Variants in SLMAP observed in about 807,000 individuals in gnomAD.
SLMAP encodes the protein sarcolemmal membrane-associated protein.
Under a neutral mutation model 128.8 loss-of-function variants are expected in SLMAP, and 44 were observed. That is an observed-to-expected ratio of 0.34 (90% confidence interval 0.27 to 0.44). The LOEUF is 0.44. Ranked by LOEUF, SLMAP falls within the 20% of genes least tolerant of loss-of-function variation. The pLI is 1.00. For synonymous variants in SLMAP, 327 were observed against 348.8 expected (o/e 0.94, Z 0.70); for missense variants, 787 against 985.3 (o/e 0.80, Z 2.69).
chr3:57,761,029 G>GT (rs755810231), intron 2 of SLMAP, among the ~76,000 whole-genome samples: 351 of 139,690 alleles, frequency 2.5e-3, no homozygotes, highest in Middle Eastern at 3.6e-3. Flanking sequence ...GCCCGGCCAG[G>GT]TTTTTTTTTT....
At chr3:57,924,447 C>T (rs1343753853) in intron 23 of SLMAP, among the ~76,000 whole-genome samples, 2 of 151,874 alleles carry the variant, frequency 1.3e-5, no homozygotes, top group South Asian at 2.1e-4. Context: ...CAGCTCACCG[C>T]AACATCCACC....
intron 17 of SLMAP, chr3:57,897,141 T>C: frequency 7.6e-7 from 1 of 1,321,544 alleles, no homozygotes; most frequent in Non-Finnish European, 9.8e-7. Flanking sequence ...CAGTCAAGAT[T>C]ACGAGGGACA....
At chr3:57,906,400 C>T (rs2096565443) in intron 17 of SLMAP, among the ~76,000 whole-genome samples, 1 of 141,430 alleles carries the variant, frequency 7.1e-6, no homozygotes, top group Non-Finnish European at 1.5e-5. Context: ...ATTGCCACCT[C>T]TGCCTCCCAG....
intron 3 of SLMAP, among the ~76,000 whole-genome samples, chr3:57,832,357 T>C (rs2093392952): frequency 6.6e-6 from 1 of 152,206 alleles, no homozygotes; most frequent in Admixed American, 6.5e-5. Context: ...TAATAGTAGC[T>C]ATCACAAGTA....
intron 17 of SLMAP, chr3:57,902,176 T>G (rs1055271524): frequency 6.6e-6 from 1 of 152,182 alleles, no homozygotes; most frequent in Non-Finnish European, 1.5e-5. Flanking sequence ...ATTAAGAAAT[T>G]GCTGATTTTT....
Position 57,929,653 on chromosome 3 carries a change from T to C in SLMAP, c.*2364T>C, listed in dbSNP as rs1258624418. Among the ~76,000 whole-genome samples, 3 of 152,242 alleles carry C rather than the reference T, an allele frequency of 2.0e-5. No individual in the cohort carries two copies. Among genetic ancestry groups the C allele is most frequent in the Non-Finnish European group, 2.9e-5 (2 of 68,036 alleles). On this transcript the variant is annotated 3_prime_UTR_variant, in exon 25 of 25. Transcript: ENST00000671191. Reference sequence around the variant, plus strand: ...TTGAACAACCCTGTAATGATACATTTAAGAATTATTCAAAGGTGCTACATG... The same window carrying C: ...TTGAACAACCCTGTAATGATACATTCAAGAATTATTCAAAGGTGCTACATG...
chr3:57,922,371 A>G (rs1057500426), intron 22 of SLMAP, among the ~76,000 whole-genome samples: 1 of 151,778 alleles, frequency 6.6e-6, no homozygotes, highest in Non-Finnish European at 1.5e-5. Flanking sequence ...AATTTTTTTT[A>G]ACTCCAGGGC....
intron 2 of SLMAP, among the ~76,000 whole-genome samples, chr3:57,776,522 C>CTCTCTCTCT (rs571722815): frequency 4.9e-4 from 45 of 92,606 alleles, no homozygotes; most frequent in Non-Finnish European, 8.1e-4. Flanking sequence ...CTCTCTCTCT[C>CTCTCTCTCT]TTTTTTTTTT....
At position 57,908,125 on chromosome 3, in the gene SLMAP, G is replaced by A. The variant is rs1349040250; in HGVS notation, c.1624+119G>A. On this transcript the variant is annotated intron_variant, in intron 18 of 24. Transcript: ENST00000671191. ...AGATTCACAACTTTATGAGATATGT[G>A]ATCTTGGTATATTTACTTGACCTCT... is the stretch of plus-strand genomic sequence containing the variant. The A allele has an allele frequency of 3.3e-6, 3 of 904,178 alleles. No homozygotes were observed. In the African/African-American group the frequency reaches 5.0e-5, roughly 15 times the overall value. The allele number at this position is 904,178 out of a possible 1,614,324, so 56.0% of individuals were successfully genotyped here.
rs753572395 is a variant in SLMAP, at chr3:57,871,638, C to T, written c.1240C>T (p.His414Tyr). Residue 414 changes from histidine (H) to tyrosine (Y), a missense_variant and splice_region_variant, in exon 14 of 25, where the codon CAC (histidine) becomes TAC (tyrosine). Physicochemically the swap from His to Tyr is moderately conservative, Grantham distance 83. Around this residue, in one of 2 missense-constraint regions of SLMAP, gnomAD observed 715 missense variants for 843.6 expected, o/e 0.85. Coordinates refer to ENST00000671191, the MANE Select transcript of SLMAP (RefSeq NM_001377540.1). The part of the protein sequence containing the change: ...PKINGSTEKE[H>Y]LLSKSGGDCT... ...AAAGGTGTTTCTTTCTTTATTAGAG[C>T]ACTTGCTTTCAAAGAGTGGCGGGGA... The T allele has an allele frequency of 6.2e-7, 1 of 1,611,378 alleles. No homozygotes were observed. The highest frequency in any genetic ancestry group is 1.1e-5 in the South Asian group (1 of 91,016).
chr3:57,763,456 GT>G (rs2079072019), intron 2 of SLMAP, among the ~76,000 whole-genome samples: 2 of 151,936 alleles, frequency 1.3e-5, no homozygotes, highest in Admixed American at 1.3e-4. Context: ...TTTTATTTTA[GT>G]AGAAACGGGG....
intron 2 of SLMAP, among the ~76,000 whole-genome samples, chr3:57,820,035 G>GCCCACCTCAGGTGTGAGA (rs1553839502): frequency 1.3e-5 from 2 of 152,150 alleles, no homozygotes; most frequent in Non-Finnish European, 2.9e-5. Context: ...ACAGGTGTGA[G>GCCCACCTCAGGTGTGAGA]CCACTGTGCC....
intron 6 of SLMAP, among the ~76,000 whole-genome samples, chr3:57,855,043 G>A (rs1469603438): frequency 4.6e-5 from 7 of 152,134 alleles, no homozygotes; most frequent in Non-Finnish European, 1.0e-4. Context: ...TAGTATTCGT[G>A]TTTAGAAACA....
intron 2 of SLMAP, among the ~76,000 whole-genome samples, chr3:57,783,906 G>T (rs2083548855): frequency 6.6e-6 from 1 of 152,106 alleles, no homozygotes; most frequent in African/African-American, 2.4e-5. Flanking sequence ...CCTGCATTCT[G>T]TTGCAACACT....
intron 2 of SLMAP, among the ~76,000 whole-genome samples, chr3:57,810,987 C>A (rs1341497529): frequency 6.6e-6 from 1 of 152,080 alleles, no homozygotes; most frequent in East Asian, 1.9e-4. Context: ...TATATGCTGA[C>A]GACAGCTTAA....
chr3:57,814,577 T>C (rs1239709771), intron 2 of SLMAP, among the ~76,000 whole-genome samples: 2 of 152,196 alleles, frequency 1.3e-5, no homozygotes, highest in Non-Finnish European at 2.9e-5. Context: ...CATAAATTGG[T>C]TCACACTGTT....
intron 2 of SLMAP, among the ~76,000 whole-genome samples, chr3:57,810,533 A>T (rs1165113577): frequency 2.0e-5 from 3 of 152,150 alleles, no homozygotes; most frequent in Non-Finnish European, 2.9e-5. Flanking sequence ...TTGCTCATTT[A>T]TTTGCTTCCA....
At chr3:57,774,896 A>T (rs1168831073) in intron 2 of SLMAP, among the ~76,000 whole-genome samples, 1 of 152,050 alleles carries the variant, frequency 6.6e-6, no homozygotes, top group Non-Finnish European at 1.5e-5. Context: ...TTAAGCATTA[A>T]TATGTATTCA....
intron 6 of SLMAP, among the ~76,000 whole-genome samples, chr3:57,856,122 G>A (rs1441582490): frequency 6.6e-6 from 1 of 151,874 alleles, no homozygotes; most frequent in East Asian, 1.9e-4. Flanking sequence ...TGAGGCAGGA[G>A]GATCATAAGC....
Sources: gnomAD v4.1 joint callset for allele counts (sites outside exome capture counted in the v4.1 genomes callset) on GRCh38, gnomAD v4.1.1 for gene constraint, gnomAD v4.1.1 regional missense constraint, MANE v1.5 for transcripts, NCBI Gene and HGNC (gene_info 2026-07-23, HGNC 2026-07-21) for gene names.